Variants in DCAF1 observed in about 807,000 individuals in gnomAD.
DCAF1 encodes the protein DDB1- and CUL4-associated factor 1.
Under a neutral mutation model 128.0 loss-of-function variants are expected in DCAF1, and 15 were observed. That is an observed-to-expected ratio of 0.12 (90% CI 0.08 to 0.18). The LOEUF (loss-of-function observed/expected upper bound fraction) is 0.18, where lower values mean the gene tolerates loss of function less well. DCAF1 is among the 10% of genes least tolerant of loss of function. The pLI, the probability that DCAF1 is intolerant of heterozygous loss-of-function variation, is 1.00. For synonymous variants in DCAF1, 610 were observed against 603.0 expected (o/e 1.01, Z -0.17); for missense variants, 988 against 1,649.5 (o/e 0.60, Z 6.95).
intron 23 of DCAF1, among the ~76,000 whole-genome samples, chr3:51,409,360 C>T (rs1553627689): frequency 6.6e-6 from 1 of 152,160 alleles, no homozygotes; most frequent in Non-Finnish European, 1.5e-5. Context: ...AGCCTTCCAA[C>T]TCCCAAGGTG....
intron 9 of DCAF1, among the ~76,000 whole-genome samples, chr3:51,433,942 C>T (rs903465997): frequency 9.3e-5 from 14 of 151,222 alleles, no homozygotes; most frequent in East Asian, 2.0e-4. Context: ...ATTTGCCAGA[C>T]GTGGTGGTGG....
chr3:51,398,700 A>G lies in DCAF1; in HGVS notation c.*69T>C. 6.5e-7 allele frequency: 1 copy of G among 1,537,940 alleles called. No individual in the cohort carries two copies. Among genetic ancestry groups the G allele is most frequent in the Non-Finnish European group, 8.8e-7 (1 of 1,139,308 alleles). On this transcript the variant is annotated 3_prime_UTR_variant, in exon 25 of 25. Transcript: ENST00000684031. ...GACAGCCCTGGGAGAAAGAGAAGGG[A>G]ATATGTTCTGAATTCATTTGACTCA... is the stretch of plus-strand genomic sequence containing the variant.
intron 9 of DCAF1, among the ~76,000 whole-genome samples, chr3:51,439,810 G>A (rs1701198146): frequency 6.6e-6 from 1 of 151,742 alleles, no homozygotes; most frequent in African/African-American, 2.4e-5. Context: ...TGGCCAACAT[G>A]GTGAAACCCT....
In DCAF1 at chr3:51,432,167, A is replaced by G. The variant is rs1340126369; in HGVS notation, c.1287+939T>C. Among the ~76,000 whole-genome samples, 5 of 146,454 alleles carry G rather than the reference A, an allele frequency of 3.4e-5. No individual in the cohort carries two copies. The Middle Eastern group carries it at 0.01, about 307-fold the overall frequency. The stretch of plus-strand genomic sequence containing the variant: ...GCGCCTGTAATCCCAGCTACTTGGG[A>G]GGCTGAGGCAGAAGAATTGCTTGAA... On this transcript the variant is annotated intron_variant, in intron 10 of 24. Transcript: ENST00000684031.
chr3:51,459,942 C>T (rs1703356206), intron 6 of DCAF1, among the ~76,000 whole-genome samples: 1 of 152,126 alleles, frequency 6.6e-6, no homozygotes, highest in Admixed American at 6.6e-5. Flanking sequence ...AAACCCACAG[C>T]CAATATCATA....
At chr3:51,474,663 A>G (rs1420900276) in intron 3 of DCAF1, among the ~76,000 whole-genome samples, 1 of 149,638 alleles carries the variant, frequency 6.7e-6, no homozygotes, top group East Asian at 2.0e-4. Context: ...CTCAGGCTGG[A>G]CTGCAGTGGC....
chr3:51,399,629 C>T (rs1011388591), intron 24 of DCAF1, among the ~76,000 whole-genome samples: 1 of 152,106 alleles, frequency 6.6e-6, no homozygotes, highest in Non-Finnish European at 1.5e-5. Flanking sequence ...AAAGGACCCT[C>T]AAGATGAGGT....
chr3:51,417,990 G>A (rs1158131864), intron 17 of DCAF1, 126 bp downstream of exon 17: 1 of 1,208,554 alleles, frequency 8.3e-7, no homozygotes, highest in Non-Finnish European at 1.1e-6. Flanking sequence ...AGATGAGGAA[G>A]AGAGAAGTTA....
At chr3:51,452,680 C>T (rs1417980729) in intron 6 of DCAF1, among the ~76,000 whole-genome samples, 1 of 152,114 alleles carries the variant, frequency 6.6e-6, no homozygotes, top group Admixed American at 6.6e-5. Context: ...GATTTTCCTA[C>T]AAGGACAACA....
intron 5 of DCAF1, among the ~76,000 whole-genome samples, chr3:51,465,207 T>C (rs547098480): frequency 3.1e-4 from 47 of 152,296 alleles, no homozygotes; most frequent in African/African-American, 1.1e-3. Flanking sequence ...TAATAACATC[T>C]GTAAGTTCAC....
At chr3:51,396,442 G>A (rs1280563382), downstream of DCAF1, 1 of 167,188 alleles carries the variant, frequency 6.0e-6, no homozygotes, top group Admixed American at 6.5e-5. Flanking sequence ...GCCAGCACTA[G>A]TTAGGGGAGG....
At chr3:51,414,184 C>A in intron 19 of DCAF1, 141 bp from the exon 20 acceptor site, 1 of 1,147,756 alleles carries the variant, frequency 8.7e-7, no homozygotes, top group Non-Finnish European at 1.2e-6. Flanking sequence ...AAAACAAATA[C>A]ATGTAGAATG....
intron 6 of DCAF1, among the ~76,000 whole-genome samples, chr3:51,453,554 A>T (rs1702566661): frequency 6.6e-6 from 1 of 152,058 alleles, no homozygotes; most frequent in Non-Finnish European, 1.5e-5. Flanking sequence ...ATGGTTTGAG[A>T]CAAGGAGGTC....
At chr3:51,414,995 C>G in intron 18 of DCAF1, 138 bp from the exon 19 acceptor site, 1 of 1,336,164 alleles carries the variant, frequency 7.5e-7, no homozygotes, top group Non-Finnish European at 1.0e-6. Context: ...CAGAATACTG[C>G]CTCCCAAAGT....
intron 24 of DCAF1, among the ~76,000 whole-genome samples, chr3:51,399,784 T>G (rs551788689): frequency 6.6e-6 from 1 of 152,208 alleles, no homozygotes; most frequent in East Asian, 1.9e-4. Context: ...TGAAACCATT[T>G]TACCTAGGTC....
intron 2 of DCAF1, among the ~76,000 whole-genome samples, chr3:51,487,848 CTATTTATTTATTTATT>C (rs111392432): frequency 1.3e-5 from 2 of 149,938 alleles, no homozygotes; most frequent in African/African-American, 2.5e-5. Context: ...GCCTACCAAA[CTATTTATTTATTTATT>C]TATTTATTTA....
intron 24 of DCAF1, among the ~76,000 whole-genome samples, chr3:51,401,259 T>G (rs948855596): frequency 6.6e-6 from 1 of 151,132 alleles, no homozygotes; most frequent in African/African-American, 2.4e-5. Flanking sequence ...TGGGGGCGCA[T>G]GGGTGTGGTT....
intron 6 of DCAF1, among the ~76,000 whole-genome samples, chr3:51,454,925 G>A (rs1287264229): frequency 1.3e-5 from 2 of 152,032 alleles, no homozygotes; most frequent in African/African-American, 2.4e-5. Context: ...TGCCCACCTC[G>A]GCCTCCCAAA....
rs375812148 is a variant in DCAF1, at chr3:51,403,357, A to G, written c.4251T>C (p.Asp1417=). The G allele has an allele frequency of 2.6e-4, 401 of 1,553,646 alleles. No individual in the cohort carries two copies. Among genetic ancestry groups the G allele is most frequent in the Non-Finnish European group, 3.4e-4 (388 of 1,147,988 alleles). ...CATCTAAATCATCGGTGTCATCATC[A>G]TCTTCATCATCATCTTCTTCCTCCT... ...EEQEEEDDDE[D]DDDTDDLDEL... Residue 1417 remains aspartate (D), a synonymous_variant, in exon 24 of 25, where the codon GAT becomes GAC. Transcript: ENST00000684031.
Sources: gnomAD v4.1 joint callset for allele counts (sites outside exome capture counted in the v4.1 genomes callset) on GRCh38, gnomAD v4.1.1 for gene constraint, MANE v1.5 for transcripts, NCBI Gene and HGNC (gene_info 2026-07-23, HGNC 2026-07-21) for gene names.